Variants in RNF40 observed in about 807,000 individuals in gnomAD.
The protein encoded by RNF40 is E3 ubiquitin-protein ligase BRE1B.
Under a neutral mutation model 123.3 loss-of-function variants are expected in RNF40, and 39 were observed. The observed-to-expected ratio is 0.32, with a 90% CI of 0.24 to 0.41. The LOEUF (loss-of-function observed/expected upper bound fraction) is 0.41, where lower values mean the gene tolerates loss of function less well. Among genes scored for constraint, RNF40 ranks in the 10% least tolerant of loss-of-function variants. The pLI, the probability that RNF40 is intolerant of heterozygous loss-of-function variation, is 1.00. For synonymous variants in RNF40, 538 were observed against 526.0 expected, an observed-to-expected ratio of 1.02 and a Z score of -0.31; for missense variants, 1,003 against 1,319.9, an observed-to-expected ratio of 0.76 and a Z score of 3.72.
intron 4 of RNF40, 49 bp downstream of exon 4, chr16:30,763,608 C>G (rs1285797850): frequency 6.2e-7 from 1 of 1,600,504 alleles, no homozygotes; most frequent in Admixed American, 1.7e-5. Context: ...TGGGAGAAGT[C>G]CTGGGGAGGA....
Position 30,768,548 on chromosome 16 carries a change from T to C in RNF40, c.1979+18T>C, listed in dbSNP as rs770344441. 2.0e-5 allele frequency: 33 copies of C among 1,613,242 alleles called. 1 individual carries two copies. The highest frequency in any genetic ancestry group is 2.7e-5 in the Non-Finnish European group (32 of 1,179,488). On this transcript the variant is annotated intron_variant, in intron 13 of 19. Transcript: ENST00000324685. The surrounding 1 kb of genome is among the most constrained non-coding windows in gnomAD (Gnocchi z 4.1). The stretch of plus-strand genomic sequence containing the variant: ...GAGCTCAAGTGAGGCTCTGTTCCTG[T>C]CTCCTTCCTGACCCTGCCAGGTGGC...
At position 30,774,071 on chromosome 16, in the gene RNF40, C is replaced by T. The variant is rs768231696; in HGVS notation, c.2963C>T (p.Ala988Val). 6.2e-6 allele frequency: 10 copies of T among 1,614,004 alleles called. No homozygotes were observed. The East Asian group carries it at 1.1e-4, about 18-fold the overall frequency. The change falls in exon 20 of 20, where the codon GCG becomes GTG. Residue 988 changes from alanine to valine, a missense_variant. Ala to Val is a moderately conservative substitution (Grantham distance 64, BLOSUM62 0). Coordinates refer to ENST00000324685, the MANE Select transcript of RNF40 (RefSeq NM_014771.4). Reference sequence around the variant, plus strand: ...CAGAGGAAGTGCCCCAAGTGCAACGCGGCCTTTGGTGCCCACGACTTCCAT... The same window carrying T: ...CAGAGGAAGTGCCCCAAGTGCAACGTGGCCTTTGGTGCCCACGACTTCCAT... Reference protein sequence around the residue: ...ARQRKCPKCNAAFGAHDFHRI... With the variant: ...ARQRKCPKCNVAFGAHDFHRI...
chr16:30,767,125 T>C (rs2054048249), intron 11 of RNF40, among the ~76,000 whole-genome samples: 1 of 152,228 alleles, frequency 6.6e-6, no homozygotes, highest in South Asian at 2.1e-4. Flanking sequence ...TCTGGTCTGA[T>C]GACGTCTCTG....
chr16:30,765,251 A>G lies in RNF40; in HGVS notation c.842A>G (p.Asp281Gly), dbSNP rs1390816464. The change falls in exon 7 of 20, where the codon GAC becomes GGC. Residue 281 changes from aspartate (D) to glycine (G), a missense_variant. This residue lies in a region of RNF40 where 274 missense variants were observed against 356.9 expected (regional missense o/e 0.77). Transcript: ENST00000324685. ...CTGGAGATGGAGACAACAGTGGAGG[A>G]CTTGCAGTGGGACATCGAGAAGCTG... ...KVLEMETTVE[D>G]LQWDIEKLRK... 6.2e-7 allele frequency: 1 copy of G among 1,614,102 alleles called. No homozygotes were observed. Among genetic ancestry groups the G allele is most frequent in the African/African-American group, 1.3e-5 (1 of 74,932 alleles).
chr16:30,768,938 C>T lies in RNF40; in HGVS notation c.2198C>T (p.Ala733Val). 1.2e-6 allele frequency: 2 copies of T among 1,614,140 alleles called. No individual in the cohort carries two copies. Among genetic ancestry groups the T allele is most frequent in the Non-Finnish European group, 1.7e-6 (2 of 1,180,026 alleles). The change falls in exon 15 of 20, where the codon GCA becomes GTA. Residue 733 changes from alanine (A) to valine (V), a missense_variant. Physicochemically the swap from Ala to Val is moderately conservative, Grantham distance 64. Coordinates refer to ENST00000324685, the MANE Select transcript of RNF40 (RefSeq NM_014771.4). The surrounding 1 kb of genome is among the most constrained non-coding windows in gnomAD (Gnocchi z 4.1). The stretch of plus-strand genomic sequence containing the variant: ...GATGCCCTGCGGCGCATTCGGCAGG[C>T]AGAGGAGCAGATAGAACACCTGCAG... ...DEDALRRIRQ[A>V]EEQIEHLQRK...
rs752346857 is a variant in RNF40, at chr16:30,767,885, C to G, written c.1430-9C>G. ...GTTCTGACACCTTTACTTGCTGATG[C>G]TCCTCCAGGGCCCATCAACCGTGAG... On this transcript the variant is annotated splice_polypyrimidine_tract_variant and intron_variant, in intron 11 of 19. Transcript: ENST00000324685. The G allele has an allele frequency of 1.2e-6, 2 of 1,614,138 alleles. No homozygotes were observed. The highest frequency in any genetic ancestry group is 4.5e-5 in the East Asian group (2 of 44,880).
chr16:30,768,454 G>T lies in RNF40; in HGVS notation c.1903G>T (p.Asp635Tyr). ...PPVASALSRA[D>Y]REKAKVEETK... ...TGTAGCCTCCGCTCTCTCAAGGGCT[G>T]ATCGGGAGAAGGCCAAGGTGGAAGA... is the stretch of plus-strand genomic sequence containing the variant. The change falls in exon 13 of 20, where the codon GAT becomes TAT. Residue 635 changes from aspartate to tyrosine, a missense_variant. Asp to Tyr is a radical substitution (Grantham distance 160, BLOSUM62 -3). Coordinates refer to ENST00000324685, the MANE Select transcript of RNF40 (RefSeq NM_014771.4). The surrounding 1 kb of genome is among the most constrained non-coding windows in gnomAD (Gnocchi z 4.1). 3 of 1,612,392 alleles carry T rather than the reference G, an allele frequency of 1.9e-6. No individual in the cohort carries two copies. The East Asian group carries it at 6.7e-5, about 36-fold the overall frequency.
chr16:30,762,708 C>T, intron 2 of RNF40, 31 bp downstream of exon 2: 1 of 1,604,332 alleles, frequency 6.2e-7, no homozygotes, highest in Non-Finnish European at 8.5e-7. Context: ...ACCCTCAGAA[C>T]TTCCCAGAGC....
In RNF40 at chr16:30,775,603, C is replaced by G. The variant is rs1184736916; in HGVS notation, c.*1489C>G. On this transcript the variant is annotated 3_prime_UTR_variant, in exon 20 of 20. Coordinates refer to ENST00000324685, the MANE Select transcript of RNF40 (RefSeq NM_014771.4). ...CTCGAATGCACAGATCGGGACACCT[C>G]AGCTGGGTGACTTCCCTCGTTGCAA... 1 of 153,722 alleles carries G rather than the reference C, an allele frequency of 6.5e-6. No homozygotes were observed. The highest frequency in any genetic ancestry group is 1.5e-5 in the Non-Finnish European group (1 of 68,942). The allele number at this position is 153,722 out of a possible 1,614,324, so 9.5% of individuals were successfully genotyped here. A position where few individuals can be genotyped will look rare whatever the true frequency, so the allele number is the denominator to read the frequency against.
chr16:30,769,452 C>G, intron 16 of RNF40, 23 bp from the exon 17 acceptor site: 2 of 1,614,062 alleles, frequency 1.2e-6, no homozygotes, highest in Non-Finnish European at 8.5e-7. Context: ...GGTCATGGCC[C>G]TGAGTCCTCC....
chr16:30,768,790 C>T lies in RNF40; in HGVS notation c.2098-48C>T, dbSNP rs2054090105. The T allele has an allele frequency of 1.2e-6, 2 of 1,614,024 alleles. No individual in the cohort carries two copies. Among genetic ancestry groups the T allele is most frequent in the Non-Finnish European group, 8.5e-7 (1 of 1,179,990 alleles). On this transcript the variant is annotated intron_variant, in intron 14 of 19. Coordinates refer to ENST00000324685, the MANE Select transcript of RNF40 (RefSeq NM_014771.4). The surrounding 1 kb of genome is among the most constrained non-coding windows in gnomAD (Gnocchi z 4.1). Reference sequence around the variant, plus strand: ...TCAGAAAGGCAGAGCAGAGTCCTAGCTCAGCAGGAAGCAGTGTCAAGAGAG... The same window carrying T: ...TCAGAAAGGCAGAGCAGAGTCCTAGTTCAGCAGGAAGCAGTGTCAAGAGAG...
rs967724309 is a variant in RNF40 at position 30,775,105 on chromosome 16, C to T, written c.*991C>T. The stretch of plus-strand genomic sequence containing the variant: ...GGCCAGAGGGTTGGAGCTGCAGGGA[C>T]CCGTTTGGACCCACAGCCTCTGTTC... On this transcript the variant is annotated 3_prime_UTR_variant, in exon 20 of 20. Coordinates refer to ENST00000324685, the MANE Select transcript of RNF40 (RefSeq NM_014771.4). The T allele has an allele frequency of 2.2e-6, 1 of 449,294 alleles. No individual in the cohort carries two copies. The highest frequency in any genetic ancestry group is 2.0e-5 in the African/African-American group (1 of 49,854). The allele number at this position is 449,294 out of a possible 1,614,324, so 27.8% of individuals were successfully genotyped here.
chr16:30,763,203 T>G lies in RNF40; in HGVS notation c.218T>G (p.Leu73Arg). The G allele has an allele frequency of 6.2e-7, 1 of 1,613,948 alleles. No individual in the cohort carries two copies. The highest frequency in any genetic ancestry group is 8.5e-7 in the Non-Finnish European group (1 of 1,180,024). Reference sequence around the variant, plus strand: ...CAACGGCAGGCTTGTGAAGATGAACTCCGAGAACGAATTGAGAAGTTGGAG... The same window carrying G: ...CAACGGCAGGCTTGTGAAGATGAACGCCGAGAACGAATTGAGAAGTTGGAG... ...LEQRQACEDE[L>R]RERIEKLEKR... The change falls in exon 3 of 20, where the codon CTC becomes CGC. Residue 73 changes from leucine to arginine, a missense_variant. Physicochemically the swap from Leu to Arg is moderately radical, Grantham distance 102 (BLOSUM62 -2). This residue lies in a region of RNF40 where 21 missense variants were observed against 43.7 expected (regional missense o/e 0.48). Coordinates refer to ENST00000324685, the MANE Select transcript of RNF40 (RefSeq NM_014771.4).
chr16:30,774,810 C>G lies in RNF40; in HGVS notation c.*696C>G, dbSNP rs2054205285. Reference sequence around the variant, plus strand: ...TTCTAATCAGGCCCCTTCCCAATCTCCATTTCTCTGCCAAGCCCATTTACC... The same window carrying G: ...TTCTAATCAGGCCCCTTCCCAATCTGCATTTCTCTGCCAAGCCCATTTACC... On this transcript the variant is annotated 3_prime_UTR_variant, in exon 20 of 20. Transcript: ENST00000324685. The G allele has an allele frequency of 2.7e-6, 1 of 368,544 alleles. No individual in the cohort carries two copies. Among genetic ancestry groups the G allele is most frequent in the African/African-American group, 2.1e-5 (1 of 47,108 alleles). The allele number at this position is 368,544 out of a possible 1,614,324, so 22.8% of individuals were successfully genotyped here.
chr16:30,765,599 C>G, intron 8 of RNF40, 100 bp downstream of exon 8: 1 of 1,055,148 alleles, frequency 9.5e-7, no homozygotes, highest in Non-Finnish European at 1.4e-6. Context: ...CTCTGAGGCC[C>G]TTCCTGGTCA....
In RNF40 at chr16:30,775,895, G is replaced by C. The variant is rs998308931; in HGVS notation, c.*1781G>C. 4 of 152,288 alleles carry C rather than the reference G, an allele frequency of 2.6e-5. No individual in the cohort carries two copies. The highest frequency in any genetic ancestry group is 1.9e-4 in the East Asian group (1 of 5,200). 9.4% of individuals were successfully genotyped at this position (152,288 alleles called of 1,614,324 possible). On this transcript the variant is annotated 3_prime_UTR_variant, in exon 20 of 20. Transcript: ENST00000324685. ...ACCAGGACGAACTGGAGAAGGAGAC[G>C]CGGGCCGCCACGGTGACCTCGGGCG...
In RNF40 at chr16:30,768,854, G is replaced by T; in HGVS notation, c.2114G>T (p.Ser705Ile). The change falls in exon 15 of 20, where the codon AGC (serine) becomes ATC (isoleucine). Residue 705 changes from serine to isoleucine, a missense_variant. Around this residue, in one of 11 missense-constraint regions of RNF40, gnomAD observed 295 missense variants for 331.7 expected, o/e 0.89. Coordinates refer to ENST00000324685, the MANE Select transcript of RNF40 (RefSeq NM_014771.4). This position sits in a 1 kb window ranked among gnomAD's most constrained non-coding sequence, Gnocchi z 4.1. ...GTGCTATAGGTTGATGAGCTGCGGA[G>T]CCGCATCCGGGAATTGGAGGAGAGG... ...KAKAEVDELR[S>I]RIRELEERDR... 2 of 1,614,260 alleles carry T rather than the reference G, an allele frequency of 1.2e-6. No homozygotes were observed. The highest frequency in any genetic ancestry group is 2.2e-5 in the South Asian group (2 of 91,090).
Position 30,768,339 on chromosome 16 carries a change from C to G in RNF40, c.1788C>G (p.Ala596=). 1 of 1,613,070 alleles carries G rather than the reference C, an allele frequency of 6.2e-7. No homozygotes were observed. The highest frequency in any genetic ancestry group is 1.1e-5 in the South Asian group (1 of 91,040). The change falls in exon 13 of 20, where the codon GCC becomes GCG. Residue 596 remains alanine, a synonymous_variant. Transcript: ENST00000324685. This position sits in a 1 kb window ranked among gnomAD's most constrained non-coding sequence, Gnocchi z 4.1. The stretch of plus-strand genomic sequence containing the variant: ...ACTTCCAGGGTATAACCCCTGGGGC[C>G]CAGGGCCCTTCCTCCCGGGGCCGAG... ...EEDFQGITPG[A]QGPSSRGREP...
In RNF40 at chr16:30,774,087, C is replaced by T. The variant is rs1273144298; in HGVS notation, c.2979C>T (p.His993=). Residue 993 remains histidine (H), a synonymous_variant, in exon 20 of 20, where the codon CAC becomes CAT. Transcript: ENST00000324685. ...AGTGCAACGCGGCCTTTGGTGCCCA[C>T]GACTTCCATCGTATCTACATCAGCT... The part of the protein sequence containing the change: ...CPKCNAAFGA[H]DFHRIYIS 1.9e-6 allele frequency: 3 copies of T among 1,613,614 alleles called. No individual in the cohort carries two copies. The highest frequency in any genetic ancestry group is 1.3e-5 in the African/African-American group (1 of 74,924).
Sources: allele counts gnomAD v4.1 joint callset (sites outside exome capture counted in the v4.1 genomes callset), GRCh38; gene constraint gnomAD v4.1.1; regional missense constraint gnomAD v4.1.1; non-coding constraint Gnocchi (gnomAD v3.1); transcripts MANE v1.5; gene names NCBI Gene and HGNC (gene_info 2026-07-23, HGNC 2026-07-21).